Variants in RFX3 observed in about 807,000 individuals in gnomAD.
The protein encoded by RFX3 is transcription factor RFX3.
Under a neutral mutation model 98.6 loss-of-function variants are expected in RFX3, and 14 were observed. The observed-to-expected ratio is 0.14, with a 90% CI of 0.09 to 0.22. The LOEUF is 0.22. RFX3 is among the 10% of genes least tolerant of loss of function. The pLI, the probability that RFX3 is intolerant of heterozygous loss-of-function variation, is 1.00. For missense variants in RFX3, 639 were observed against 926.9 expected, an observed-to-expected ratio of 0.69 and a Z score of 4.03; for synonymous variants, 383 against 328.4, an observed-to-expected ratio of 1.17 and a Z score of -1.80.
chr9:3,428,254 C>A (rs183955675), intron 1 of RFX3, among the ~76,000 whole-genome samples: 241 of 152,292 alleles, frequency 1.6e-3, no homozygotes, highest in Middle Eastern at 3.4e-3. Flanking sequence ...TTCTCTCTCA[C>A]TCTTTCAATT....
At position 3,498,698 on chromosome 9, in the gene RFX3, T is replaced by C. The variant is rs1293487113; in HGVS notation, c.-9+27049A>G. Reference sequence around the variant, plus strand: ...TCCTGTGCACAAACAGCAGTAGTTTTATAAGAAGGTTGCCCATTTTTGAAA... The same window carrying C: ...TCCTGTGCACAAACAGCAGTAGTTTCATAAGAAGGTTGCCCATTTTTGAAA... On this transcript the variant is annotated intron_variant, in intron 1 of 16. Transcript: ENST00000617270. 2.0e-5 allele frequency among the ~76,000 whole-genome samples: 3 copies of C among 152,238 alleles called. No homozygotes were observed. In the East Asian group the frequency reaches 5.8e-4, roughly 29 times the overall value.
chr9:3,385,188 T>G (rs1039174284), intron 2 of RFX3, among the ~76,000 whole-genome samples: 1 of 152,208 alleles, frequency 6.6e-6, no homozygotes, highest in Non-Finnish European at 1.5e-5. Context: ...AAATTATATG[T>G]AAGTACAGGT....
In RFX3 at chr9:3,505,264, A is replaced by ATATATATATGAATATATATT. The variant is rs1564186993; in HGVS notation, c.-9+20482_-9+20483insAATATATATTCATATATATA. ...TTTATATATATATGAATATATATTT[A>ATATATATATGAATATATATT]TATATATATGAATATATACATTTTT... On this transcript the variant is annotated intron_variant, in intron 1 of 16. Coordinates refer to ENST00000617270, the MANE Select transcript of RFX3 (RefSeq NM_001282116.2). 1.4e-3 allele frequency among the ~76,000 whole-genome samples: 104 copies of ATATATATATGAATATATATT among 74,438 alleles called. 6 individuals are homozygous for ATATATATATGAATATATATT. Among genetic ancestry groups the ATATATATATGAATATATATT allele is most frequent in the African/African-American group, 7.3e-3 (84 of 11,470 alleles). The allele number at this position is 74,438 out of a possible 152,430, so 48.8% of individuals were successfully genotyped here. A position where few individuals can be genotyped will look rare whatever the true frequency, so the allele number is the denominator to read the frequency against.
chr9:3,288,648 G>C (rs1369248385), intron 6 of RFX3, among the ~76,000 whole-genome samples: 1 of 151,966 alleles, frequency 6.6e-6, no homozygotes, highest in Non-Finnish European at 1.5e-5. Flanking sequence ...TTAGTCAATG[G>C]AATACGTATT....
intron 1 of RFX3, among the ~76,000 whole-genome samples, chr9:3,436,653 AG>A (rs1293524207): frequency 1.3e-5 from 2 of 152,124 alleles, no homozygotes; most frequent in Admixed American, 6.6e-5. Flanking sequence ...AAAAGTAAAA[AG>A]TTAACAATCC....
intron 1 of RFX3, among the ~76,000 whole-genome samples, chr9:3,445,373 A>C (rs1481313086): frequency 6.6e-6 from 1 of 151,896 alleles, no homozygotes; most frequent in Non-Finnish European, 1.5e-5. Context: ...AATTTAAGCA[A>C]AACATCTTGA....
intron 1 of RFX3, among the ~76,000 whole-genome samples, chr9:3,429,112 T>C (rs1251336108): frequency 6.7e-6 from 1 of 150,100 alleles, no homozygotes; most frequent in Non-Finnish European, 1.5e-5. Flanking sequence ...AAGCTCCGCC[T>C]CCCGGGTTCA....
intron 1 of RFX3, among the ~76,000 whole-genome samples, chr9:3,477,734 A>T (rs1189304679): frequency 1.3e-5 from 2 of 151,874 alleles, no homozygotes. Flanking sequence ...ATTTTTTTTT[A>T]AATATTCTTT....
intron 1 of RFX3, chr9:3,488,822 T>C: frequency 3.0e-6 from 3 of 985,172 alleles, no homozygotes; most frequent in Non-Finnish European, 3.6e-6. Flanking sequence ...AGCTTATTTC[T>C]CTTGAGCTTT....
intron 11 of RFX3, among the ~76,000 whole-genome samples, chr9:3,268,348 T>G (rs1823929795): frequency 6.6e-6 from 1 of 151,802 alleles, no homozygotes; most frequent in Non-Finnish European, 1.5e-5. Flanking sequence ...GATTCATGTA[T>G]GTACAAAATT....
chr9:3,250,826 G>A (rs968934231), intron 14 of RFX3, among the ~76,000 whole-genome samples: 14 of 151,794 alleles, frequency 9.2e-5, no homozygotes, highest in Admixed American at 5.3e-4. Context: ...TTAAGTTGAA[G>A]CAAGATACAT....
chr9:3,260,354 G>A (rs1406051693), intron 13 of RFX3, among the ~76,000 whole-genome samples: 1 of 151,888 alleles, frequency 6.6e-6, no homozygotes, highest in Non-Finnish European at 1.5e-5. Context: ...ACATATCACT[G>A]ATCATTAATA....
At chr9:3,310,944 T>C (rs1563904765) in intron 4 of RFX3, among the ~76,000 whole-genome samples, 1 of 152,142 alleles carries the variant, frequency 6.6e-6, no homozygotes, top group Non-Finnish European at 1.5e-5. Flanking sequence ...ACTGGAAAAA[T>C]TTAAATATGA....
rs955355576 is a variant in RFX3 at position 3,287,724 on chromosome 9, T to C, written c.851+407A>G. Among the ~76,000 whole-genome samples the C allele has an allele frequency of 2.0e-5, 3 of 151,962 alleles. No individual in the cohort carries two copies. The South Asian group carries it at 6.2e-4, about 31-fold the overall frequency. On this transcript the variant is annotated intron_variant, in intron 7 of 16. Coordinates refer to ENST00000617270, the MANE Select transcript of RFX3 (RefSeq NM_001282116.2). ...CTATGAAAGTTGGATTCAAAGCAAA[T>C]GTAAGGCATCCCAAACATTCTGCAA...
At chr9:3,514,218 G>C (rs1487930512) in intron 1 of RFX3, among the ~76,000 whole-genome samples, 2 of 152,034 alleles carry the variant, frequency 1.3e-5, no homozygotes, top group African/African-American at 4.8e-5. Context: ...ATAGCACTAA[G>C]GTGGAAATAC....
At chr9:3,517,531 C>T (rs1279305093) in intron 1 of RFX3, among the ~76,000 whole-genome samples, 1 of 152,154 alleles carries the variant, frequency 6.6e-6, no homozygotes, top group East Asian at 1.9e-4. Flanking sequence ...TACCAAGAAC[C>T]TTCAGAAATC....
chr9:3,516,096 T>C (rs2133879629), intron 1 of RFX3, among the ~76,000 whole-genome samples: 1 of 152,282 alleles, frequency 6.6e-6, no homozygotes, highest in South Asian at 2.1e-4. Context: ...TTGCCCAGAC[T>C]GGAGCGCACT....
intron 2 of RFX3, among the ~76,000 whole-genome samples, chr9:3,383,784 T>C (rs1025255380): frequency 6.6e-6 from 1 of 152,142 alleles, no homozygotes; most frequent in African/African-American, 2.4e-5. Context: ...GGACAGAGTG[T>C]TCTGCATGGG....
chr9:3,266,409 C>T (rs1586804460), intron 11 of RFX3, 104 bp from the exon 12 acceptor site: 2 of 599,390 alleles, frequency 3.3e-6, no homozygotes, highest in South Asian at 2.5e-5. Flanking sequence ...TGATACAGCA[C>T]AGAACTCATA....
Sources: allele counts gnomAD v4.1 joint callset (sites outside exome capture counted in the v4.1 genomes callset), GRCh38; gene constraint gnomAD v4.1.1; transcripts MANE v1.5; gene names NCBI Gene and HGNC (gene_info 2026-07-23, HGNC 2026-07-21).